The following ATP13A4 variants were observed in gnomAD, a reference collection of about 807,000 sequenced individuals.
ATP13A4 encodes the protein probable cation-transporting ATPase 13A4.
ATP13A4 carries 114 observed loss-of-function variants against 142.5 expected under a neutral mutation model. The ratio of observed to expected loss-of-function variants is 0.80; its 90% CI spans 0.69 to 0.93. The LOEUF (loss-of-function observed/expected upper bound fraction) is 0.93, where lower values mean the gene tolerates loss of function less well. Among genes scored for constraint, ATP13A4 ranks in the 40% least tolerant of loss-of-function variants. The probability of loss-of-function intolerance (pLI) is 0.00; values close to 1 mark genes in which losing one functional copy is unlikely to be tolerated. For missense variants in ATP13A4, 1,392 were observed against 1,454.0 expected (o/e 0.96, Z 0.69); for synonymous variants, 488 against 514.8 (o/e 0.95, Z 0.70).
intron 1 of ATP13A4, among the ~76,000 whole-genome samples, chr3:193,523,000 T>C (rs970048975): frequency 7.9e-5 from 12 of 152,214 alleles, no homozygotes; most frequent in African/African-American, 2.4e-4. Context: ...TGTATTTTGT[T>C]ATTCAAAATG....
intron 29 of ATP13A4, among the ~76,000 whole-genome samples, chr3:193,405,542 C>T (rs918989234): frequency 1.8e-4 from 28 of 152,068 alleles, no homozygotes; most frequent in African/African-American, 5.1e-4. Context: ...ATGTAAAGTC[C>T]GGCTCTGTGG....
At chr3:193,469,129 A>C (rs1041193229) in intron 9 of ATP13A4, among the ~76,000 whole-genome samples, 5 of 152,228 alleles carry the variant, frequency 3.3e-5, no homozygotes, top group African/African-American at 1.2e-4. Context: ...AGAAGAGGAA[A>C]GGCCAAGGAT....
At chr3:193,514,108 C>G (rs570275241) in intron 2 of ATP13A4, among the ~76,000 whole-genome samples, 1 of 152,146 alleles carries the variant, frequency 6.6e-6, no homozygotes, top group African/African-American at 2.4e-5. Flanking sequence ...ATTTTAAGAT[C>G]GGGGAACATG....
At chr3:193,552,900 GT>G (rs1312930098) in intron 1 of ATP13A4, among the ~76,000 whole-genome samples, 1 of 152,178 alleles carries the variant, frequency 6.6e-6, no homozygotes, top group Non-Finnish European at 1.5e-5. Context: ...AAAATGCTGT[GT>G]ATACTAAAAA....
rs573823493 is a variant in ATP13A4, at chr3:193,497,618, G to A, written c.382-4458C>T. On this transcript the variant is annotated intron_variant, in intron 3 of 29. Coordinates refer to ENST00000342695, the MANE Select transcript of ATP13A4 (RefSeq NM_032279.4). ...ATGTCAAATAAATATCTGCACTCTC[G>A]TGTTTATTGCAGTACTATTCACAAT... Among the ~76,000 whole-genome samples the A allele has an allele frequency of 4.6e-5, 7 of 152,056 alleles. No individual in the cohort carries two copies. The East Asian group carries it at 5.8e-4, about 13-fold the overall frequency.
intron 14 of ATP13A4, 36 bp downstream of exon 14, chr3:193,459,045 G>A (rs1279732771): frequency 6.2e-7 from 1 of 1,612,964 alleles, no homozygotes; most frequent in South Asian, 1.1e-5. Context: ...TGGCATTGAA[G>A]AAGCTTCTCA....
chr3:193,420,327 CAG>C (rs1465995944), intron 25 of ATP13A4, among the ~76,000 whole-genome samples: 2 of 150,188 alleles, frequency 1.3e-5, no homozygotes, highest in African/African-American at 2.4e-5. Flanking sequence ...TTCTCGGAAT[CAG>C]AGTTACCACA....
At chr3:193,466,295 G>T in intron 10 of ATP13A4, 113 bp from the exon 11 acceptor site, 1 of 1,307,922 alleles carries the variant, frequency 7.6e-7, no homozygotes, top group Non-Finnish European at 1.1e-6. Context: ...CAGTGTTTAA[G>T]CTCAAAGGCA....
At chr3:193,432,159 G>A (rs1042291063) in intron 25 of ATP13A4, among the ~76,000 whole-genome samples, 18 of 151,966 alleles carry the variant, frequency 1.2e-4, no homozygotes, top group Admixed American at 2.6e-4. Flanking sequence ...ATTATTAGAC[G>A]AATAAAATCC....
At chr3:193,484,163 T>C (rs1231369270) in intron 7 of ATP13A4, among the ~76,000 whole-genome samples, 158 bp from the exon 8 acceptor site, 1 of 152,118 alleles carries the variant, frequency 6.6e-6, no homozygotes, top group African/African-American at 2.4e-5. Flanking sequence ...CATTATTTAA[T>C]TGAAAAAGCA....
chr3:193,429,079 A>T (rs1715832011), intron 25 of ATP13A4, among the ~76,000 whole-genome samples: 1 of 152,082 alleles, frequency 6.6e-6, no homozygotes, highest in Non-Finnish European at 1.5e-5. Flanking sequence ...GTCATTAGAG[A>T]AATGCAAGTC....
chr3:193,584,866 C>T (rs1477779134), intron 1 of ATP13A4, among the ~76,000 whole-genome samples: 3 of 152,160 alleles, frequency 2.0e-5, no homozygotes, highest in Non-Finnish European at 4.4e-5. Context: ...AACAAATCTT[C>T]GCTATACATT....
intron 8 of ATP13A4, among the ~76,000 whole-genome samples, chr3:193,476,263 C>T (rs555487033): frequency 6.6e-6 from 1 of 152,158 alleles, no homozygotes; most frequent in East Asian, 1.9e-4. Context: ...CTGCTACTTC[C>T]CCGTCCATTT....
chr3:193,481,447 C>T (rs1332079545), intron 8 of ATP13A4, among the ~76,000 whole-genome samples: 23 of 152,136 alleles, frequency 1.5e-4, no homozygotes, highest in Admixed American at 1.5e-3. Context: ...TTAGAATACA[C>T]TTACCAGTTT....
chr3:193,437,651 A>G (rs1011076336), intron 23 of ATP13A4, among the ~76,000 whole-genome samples: 1 of 152,098 alleles, frequency 6.6e-6, no homozygotes, highest in Non-Finnish European at 1.5e-5. Flanking sequence ...AGTGTGAGAT[A>G]GTAGGCATTA....
intron 1 of ATP13A4, chr3:193,553,162 C>G (rs1723682087): frequency 6.6e-6 from 1 of 152,198 alleles, no homozygotes; most frequent in Non-Finnish European, 1.5e-5. Flanking sequence ...TATTAAAGGG[C>G]CTCTCCTAAC....
At position 193,418,304 on chromosome 3, in the gene ATP13A4, G is replaced by A. The variant is rs529773798; in HGVS notation, c.2843-3554C>T. 1.6e-4 allele frequency among the ~76,000 whole-genome samples: 23 copies of A among 144,478 alleles called. 3 individuals are homozygous for A. The East Asian group carries it at 3.7e-3, about 23-fold the overall frequency. The allele number at this position is 144,478 out of a possible 152,430, so 94.8% of individuals were successfully genotyped here. ...ACTGCACTCCAGCCTGGGCAACAGC[G>A]AGACTCCATCTCAAAAAAAAAAAAA... On this transcript the variant is annotated intron_variant, in intron 25 of 29. Coordinates refer to ENST00000342695, the MANE Select transcript of ATP13A4 (RefSeq NM_032279.4).
At chr3:193,565,803 C>T (rs1305325257) in intron 2 of ATP13A4, among the ~76,000 whole-genome samples, 1 of 152,140 alleles carries the variant, frequency 6.6e-6, no homozygotes, top group African/African-American at 2.4e-5. Context: ...AAAAACAGGT[C>T]GTGAGAAACA....
chr3:193,427,634 C>T (rs559274616), intron 25 of ATP13A4, among the ~76,000 whole-genome samples: 1 of 152,198 alleles, frequency 6.6e-6, no homozygotes, highest in African/African-American at 2.4e-5. Flanking sequence ...GAAAGAATAC[C>T]ACACATCTAC....
Sources: gnomAD v4.1 joint callset for allele counts (sites outside exome capture counted in the v4.1 genomes callset) on GRCh38, gnomAD v4.1.1 for gene constraint, MANE v1.5 for transcripts, NCBI Gene and HGNC (gene_info 2026-07-23, HGNC 2026-07-21) for gene names.